Variants in PIP5K1B observed in about 807,000 individuals in gnomAD.
PIP5K1B encodes the protein phosphatidylinositol 4-phosphate 5-kinase type-1 beta.
A neutral mutation model predicts 67.0 loss-of-function variants in PIP5K1B; 42 were observed. The ratio of observed to expected loss-of-function variants is 0.63; its 90% CI spans 0.49 to 0.81. The LOEUF (loss-of-function observed/expected upper bound fraction) is 0.81. Among genes scored for constraint, PIP5K1B ranks in the 30% least tolerant of loss-of-function variants. The probability of loss-of-function intolerance (pLI) is 0.00; values close to 1 mark genes in which losing one functional copy is unlikely to be tolerated. For missense variants in PIP5K1B, 459 were observed against 646.3 expected, an observed-to-expected ratio of 0.71 and a Z score of 3.14; for synonymous variants, 214 against 231.4, an observed-to-expected ratio of 0.92 and a Z score of 0.68.
chr9:68,887,453 A>G (rs764936724), intron 6 of PIP5K1B, among the ~76,000 whole-genome samples: 3 of 152,218 alleles, frequency 2.0e-5, no homozygotes, highest in East Asian at 3.8e-4. Flanking sequence ...TGAAGGAGGA[A>G]GTCATGAGAG....
chr9:68,892,981 G>A (rs1448942171), intron 7 of PIP5K1B, among the ~76,000 whole-genome samples: 1 of 152,116 alleles, frequency 6.6e-6, no homozygotes, highest in East Asian at 1.9e-4. Flanking sequence ...GCTGAGGAAG[G>A]GGAATCACTT....
rs148762593 is a variant in PIP5K1B at position 68,886,477 on chromosome 9, T to C, written c.319-2504T>C. Among the ~76,000 whole-genome samples the C allele has an allele frequency of 9.7e-3, 1,480 of 152,326 alleles. 14 individuals are homozygous for C. The highest frequency in any genetic ancestry group is 0.016 in the Non-Finnish European group (1,115 of 68,024). On this transcript the variant is annotated intron_variant, in intron 6 of 15. Coordinates refer to ENST00000265382, the MANE Select transcript of PIP5K1B (RefSeq NM_003558.4). ...ACCATGTATGTAGGCACCTACCATGTTCCAAGGCACAGGTCCTGGAACTGT... is the reference window on the plus strand; with the variant it reads ...ACCATGTATGTAGGCACCTACCATGCTCCAAGGCACAGGTCCTGGAACTGT...
At chr9:68,742,267 G>A (rs1409821253) in intron 1 of PIP5K1B, 2 of 152,158 alleles carry the variant, frequency 1.3e-5, no homozygotes, top group Non-Finnish European at 2.9e-5. Context: ...TGCATTCCAA[G>A]TTCTAAACAG....
intron 2 of PIP5K1B, chr9:68,781,479 G>T: frequency 5.8e-6 from 1 of 173,572 alleles, no homozygotes; most frequent in Non-Finnish European, 1.4e-5. Context: ...ATTTGATGAA[G>T]AACTATACAG....
At chr9:68,928,656 A>T (rs1826830396) in intron 12 of PIP5K1B, among the ~76,000 whole-genome samples, 2 of 152,244 alleles carry the variant, frequency 1.3e-5, no homozygotes, top group Admixed American at 6.5e-5. Context: ...TTCAAAGCAC[A>T]GTCAAGTACT....
intron 2 of PIP5K1B, chr9:68,781,430 A>G (rs769940512): frequency 5.6e-6 from 1 of 177,808 alleles, no homozygotes; most frequent in Non-Finnish European, 1.3e-5. Context: ...TCATGCCCAC[A>G]CTAATTTTTA....
chr9:68,752,297 A>G (rs1039129244), intron 2 of PIP5K1B, among the ~76,000 whole-genome samples: 3 of 152,184 alleles, frequency 2.0e-5, no homozygotes, highest in Admixed American at 6.5e-5. Flanking sequence ...AGTGGGGTTA[A>G]ACTAGACAGT....
chr9:68,928,239 A>T (rs1045646131), intron 12 of PIP5K1B, among the ~76,000 whole-genome samples: 1 of 152,156 alleles, frequency 6.6e-6, no homozygotes, highest in Non-Finnish European at 1.5e-5. Flanking sequence ...AAGAAGTGTG[A>T]GTCTTTCAGC....
intron 1 of PIP5K1B, among the ~76,000 whole-genome samples, chr9:68,712,663 G>T (rs565775469): frequency 2.6e-5 from 4 of 152,310 alleles, no homozygotes; most frequent in Admixed American, 2.6e-4. Flanking sequence ...CAGTGCTTAC[G>T]TGTTAGCTAT....
intron 6 of PIP5K1B, among the ~76,000 whole-genome samples, chr9:68,879,830 A>G (rs1393372656): frequency 6.6e-6 from 1 of 152,154 alleles, no homozygotes; most frequent in Non-Finnish European, 1.5e-5. Flanking sequence ...ATTTTTTTAA[A>G]AAAGAAAAAG....
At chr9:68,795,153 G>A (rs1000061923) in intron 2 of PIP5K1B, among the ~76,000 whole-genome samples, 2 of 150,528 alleles carry the variant, frequency 1.3e-5, no homozygotes, top group Non-Finnish European at 3.0e-5. Flanking sequence ...GTGTGTGTGA[G>A]AGAGAGAGAG....
chr9:68,959,631 T>C (rs765079850), intron 14 of PIP5K1B, among the ~76,000 whole-genome samples: 57 of 152,168 alleles, frequency 3.7e-4, no homozygotes, highest in Non-Finnish European at 7.2e-4. Flanking sequence ...TCCTCTCTAT[T>C]CTCCAAGTAG....
At chr9:68,815,888 G>A (rs1240939285) in intron 2 of PIP5K1B, among the ~76,000 whole-genome samples, 2 of 151,902 alleles carry the variant, frequency 1.3e-5, no homozygotes, top group East Asian at 3.8e-4. Context: ...TTAAAAGAGT[G>A]ACAAATGAAA....
intron 1 of PIP5K1B, among the ~76,000 whole-genome samples, chr9:68,740,707 G>C (rs1828963088): frequency 6.6e-6 from 1 of 152,228 alleles, no homozygotes; most frequent in Non-Finnish European, 1.5e-5. Flanking sequence ...TATTTATTTA[G>C]TGAGAAATAT....
intron 2 of PIP5K1B, among the ~76,000 whole-genome samples, chr9:68,774,617 A>T (rs115383935): frequency 1.5e-3 from 222 of 152,318 alleles, no homozygotes; most frequent in African/African-American, 5.2e-3. Flanking sequence ...ACTAGCACAC[A>T]TATCAGGATA....
At chr9:68,707,495 A>G (rs540813052) in intron 1 of PIP5K1B, 1 of 152,330 alleles carries the variant, frequency 6.6e-6, no homozygotes, top group African/African-American at 2.4e-5. Flanking sequence ...TGTCATAACC[A>G]GGTGCCTGCT....
intron 8 of PIP5K1B, among the ~76,000 whole-genome samples, chr9:68,916,612 A>T (rs1285700866): frequency 6.6e-6 from 1 of 152,148 alleles, no homozygotes; most frequent in Admixed American, 6.6e-5. Context: ...GGTGGCTCAC[A>T]CCTGTAATCC....
At chr9:68,809,324 TA>T (rs1034363255) in intron 2 of PIP5K1B, among the ~76,000 whole-genome samples, 3 of 151,354 alleles carry the variant, frequency 2.0e-5, no homozygotes, top group African/African-American at 4.9e-5. Flanking sequence ...AAACCCACAT[TA>T]AAAAAAATAC....
chr9:68,918,204 C>T (rs974240930), intron 9 of PIP5K1B, among the ~76,000 whole-genome samples: 5 of 151,886 alleles, frequency 3.3e-5, no homozygotes, highest in African/African-American at 1.2e-4. Flanking sequence ...ATTCTCCTGC[C>T]TCAGCCTCCA....
Sources: allele counts gnomAD v4.1 joint callset (sites outside exome capture counted in the v4.1 genomes callset), GRCh38; gene constraint gnomAD v4.1.1; transcripts MANE v1.5; gene names NCBI Gene and HGNC (gene_info 2026-07-23, HGNC 2026-07-21).